The following ODR4 variants were observed in gnomAD, a reference collection of about 807,000 sequenced individuals.
ODR4 encodes the protein protein odr-4 homolog.
ODR4 carries 47 observed loss-of-function variants against 60.2 expected under a neutral mutation model. The observed-to-expected ratio is 0.78, with a 90% CI of 0.62 to 1.00. The LOEUF is 1.00. ODR4 is among the 50% of genes least tolerant of loss of function. The pLI is 0.00. For missense variants in ODR4, 488 were observed against 530.8 expected (o/e 0.92, Z 0.79); for synonymous variants, 178 against 175.5 (o/e 1.01, Z -0.11).
downstream of ODR4, among the ~76,000 whole-genome samples, chr1:186,423,443 CTT>C (rs34515188): frequency 2.2e-4 from 10 of 44,736 alleles, no homozygotes; most frequent in Admixed American, 3.6e-4. Context: ...ACTACTTGTG[CTT>C]TTTTTTTTTT....
intron 9 of ODR4, among the ~76,000 whole-genome samples, chr1:186,394,583 C>T (rs1558074423): frequency 6.6e-6 from 1 of 152,114 alleles, no homozygotes; most frequent in African/African-American, 2.4e-5. Context: ...TTTAATCCTA[C>T]TTGAAATTAT....
At chr1:186,418,880 A>G (rs192691603) in intron 13 of ODR4, 129 bp from the exon 14 acceptor site, 17 of 717,890 alleles carry the variant, frequency 2.4e-5, no homozygotes, top group Non-Finnish European at 3.7e-5. Flanking sequence ...ATGTATGTCT[A>G]TGTATGATTG....
In ODR4 at chr1:186,419,183, C is replaced by T; in HGVS notation, c.*107C>T. On this transcript the variant is annotated 3_prime_UTR_variant, in exon 14 of 14. Transcript: ENST00000287859. ...GTATTTAAAACACTAGCAGCCAGAT[C>T]TGCTGCCATGATGCCTATTTGGTGT... is the stretch of plus-strand genomic sequence containing the variant. 2 of 975,292 alleles carry T rather than the reference C, an allele frequency of 2.1e-6. No homozygotes were observed. Among genetic ancestry groups the T allele is most frequent in the Non-Finnish European group, 3.1e-6 (2 of 635,256 alleles). The allele number at this position is 975,292 out of a possible 1,614,324, so 60.4% of individuals were successfully genotyped here.
chr1:186,431,790 G>A, the ODR4 span, among the ~76,000 whole-genome samples: 10 of 152,136 alleles, frequency 6.6e-5, no homozygotes, highest in African/African-American at 1.9e-4. Context: ...GGAATTCTTG[G>A]ATAAAAGGTT....
chr1:186,413,531 TCTC>T (rs1395374378), intron 12 of ODR4, among the ~76,000 whole-genome samples: 1 of 152,102 alleles, frequency 6.6e-6, no homozygotes, highest in South Asian at 2.1e-4. Flanking sequence ...GTGTTAGTCA[TCTC>T]CTAGTAGATG....
chr1:186,416,864 A>G (rs1158982368), intron 12 of ODR4, among the ~76,000 whole-genome samples: 1 of 150,336 alleles, frequency 6.7e-6, no homozygotes, highest in African/African-American at 2.5e-5. Flanking sequence ...TCAAAAAAAA[A>G]AAAAAAAAAA....
intron 9 of ODR4, among the ~76,000 whole-genome samples, chr1:186,394,676 A>G (rs1660603918): frequency 6.6e-6 from 1 of 152,208 alleles, no homozygotes; most frequent in African/African-American, 2.4e-5. Flanking sequence ...ATTTTGAAAC[A>G]GAAATACTCT....
At chr1:186,418,452 G>C (rs373043373) in intron 13 of ODR4, among the ~76,000 whole-genome samples, 2 of 151,814 alleles carry the variant, frequency 1.3e-5, no homozygotes, top group African/African-American at 2.4e-5. Flanking sequence ...CACCGCGCCC[G>C]GCTAATTTTT....
At chr1:186,394,471 G>T (rs1022714452) in intron 9 of ODR4, among the ~76,000 whole-genome samples, 1 of 152,026 alleles carries the variant, frequency 6.6e-6, no homozygotes, top group East Asian at 1.9e-4. Flanking sequence ...TTTATGTATG[G>T]TTGCTTTAAT....
rs1330275322 is a variant in ODR4, at chr1:186,417,325, T to C, written c.1187-219T>C. 7.3e-5 allele frequency: 31 copies of C among 426,158 alleles called. No homozygotes were observed. The Admixed American group carries it at 1.3e-3, about 18-fold the overall frequency. 26.4% of individuals were successfully genotyped at this position (426,158 alleles called of 1,614,324 possible). The stretch of plus-strand genomic sequence containing the variant: ...TGTGTGGCCCTCTGGTTTAGTTCAA[T>C]GATAAAGCTACATTGTTTTGAAAAC... On this transcript the variant is annotated intron_variant, in intron 12 of 13. Transcript: ENST00000287859.
At chr1:186,401,514 C>G (rs1310290971) in intron 11 of ODR4, 2 of 191,774 alleles carry the variant, frequency 1.0e-5, no homozygotes, top group East Asian at 3.5e-4. Context: ...CTCTCTCTCT[C>G]TCCTTCCTTC....
chr1:186,401,101 T>C (rs1279374179), intron 11 of ODR4: 1 of 1,595,138 alleles, frequency 6.3e-7, no homozygotes, highest in Non-Finnish European at 8.6e-7. Flanking sequence ...CACATTAGTA[T>C]ACTCTTCTAT....
At chr1:186,405,220 A>G (rs1312793955) in intron 11 of ODR4, among the ~76,000 whole-genome samples, 1 of 152,206 alleles carries the variant, frequency 6.6e-6, no homozygotes, top group Non-Finnish European at 1.5e-5. Flanking sequence ...ACAAAACTGT[A>G]TGTATGACTA....
At position 186,417,582 on chromosome 1, in the gene ODR4, G is replaced by T; in HGVS notation, c.1225G>T (p.Asp409Tyr). Residue 409 changes from aspartate to tyrosine, a missense_variant, in exon 13 of 14, where the codon GAC becomes TAC. Transcript: ENST00000287859. ...SSSMNSQASL[D>Y]NTDDEQPKQP... Reference sequence around the variant, plus strand: ...TTCTATGAATAGTCAAGCTTCATTGGACAACACAGATGATGAACAACCAAA... The same window carrying T: ...TTCTATGAATAGTCAAGCTTCATTGTACAACACAGATGATGAACAACCAAA... The T allele has an allele frequency of 6.2e-7, 1 of 1,602,022 alleles. No homozygotes were observed. Among genetic ancestry groups the T allele is most frequent in the Admixed American group, 1.7e-5 (1 of 58,646 alleles).
At chr1:186,393,707 C>G (rs566437922) in intron 8 of ODR4, among the ~76,000 whole-genome samples, 2 of 152,100 alleles carry the variant, frequency 1.3e-5, no homozygotes, top group Non-Finnish European at 2.9e-5. Flanking sequence ...TGGGTATTTG[C>G]CCACAGGCAG....
At chr1:186,385,906 C>A in intron 3 of ODR4, 82 bp from the exon 4 acceptor site, 1 of 810,788 alleles carries the variant, frequency 1.2e-6, no homozygotes, top group Non-Finnish European at 2.0e-6. Context: ...AAGCTAAGGA[C>A]ATGCTAAGCA....
In ODR4 at chr1:186,388,451, G is replaced by T; in HGVS notation, c.340G>T (p.Ala114Ser). Residue 114 changes from alanine (A) to serine (S), a missense_variant, in exon 5 of 14, where the codon GCT becomes TCT. Transcript: ENST00000287859. ...TTTTTCTCTCTTTCAGCTAATGTTT[G>T]CTGTGGAAAAGTCTATAAATAGAAA... ...FQNALRRLMF[A>S]VEKSINRKRL... The T allele has an allele frequency of 6.5e-7, 1 of 1,532,340 alleles. No individual in the cohort carries two copies. The highest frequency in any genetic ancestry group is 2.4e-5 in the East Asian group (1 of 41,738). 94.9% of individuals were successfully genotyped at this position (1,532,340 alleles called of 1,614,324 possible). A position where few individuals can be genotyped will look rare whatever the true frequency, so the allele number is the denominator to read the frequency against.
the ODR4 span, among the ~76,000 whole-genome samples, chr1:186,434,897 T>G: frequency 6.6e-6 from 1 of 152,204 alleles, no homozygotes; most frequent in African/African-American, 2.4e-5. Context: ...ATGTAAACCT[T>G]TAAAAATGAA....
At chr1:186,427,564 T>G in the ODR4 span, among the ~76,000 whole-genome samples, 2 of 152,236 alleles carry the variant, frequency 1.3e-5, no homozygotes, top group African/African-American at 4.8e-5. Context: ...CCTCAGTCAT[T>G]CATGAGGGTT....
Sources: gnomAD v4.1 joint callset for allele counts (sites outside exome capture counted in the v4.1 genomes callset) on GRCh38, gnomAD v4.1.1 for gene constraint, MANE v1.5 for transcripts, NCBI Gene and HGNC (gene_info 2026-07-23, HGNC 2026-07-21) for gene names.